RBM19: variants seen among roughly 807,000 people sequenced by gnomAD.
The protein encoded by RBM19 is probable RNA-binding protein 19.
A neutral mutation model predicts 116.8 loss-of-function variants in RBM19; 94 were observed. That is an observed-to-expected ratio of 0.80 (90% CI 0.68 to 0.95). The LOEUF is 0.95. Ranked by LOEUF, RBM19 falls within the 40% of genes least tolerant of loss-of-function variation. RBM19 has a pLI of 0.00. For missense variants in RBM19, 1,161 were observed against 1,220.7 expected (o/e 0.95, Z 0.73); for synonymous variants, 475 against 494.1 (o/e 0.96, Z 0.51).
chr12:113,959,086 C>A, intron 5 of RBM19, 126 bp downstream of exon 5: 1 of 952,902 alleles, frequency 1.0e-6, no homozygotes, highest in Non-Finnish European at 1.6e-6. Context: ...GGGATCATCA[C>A]CCCCAATGGA....
In RBM19 at chr12:113,849,484, G is replaced by A. The variant is rs184465023; in HGVS notation, c.2665-4696C>T. The stretch of plus-strand genomic sequence containing the variant: ...TAGACTACAAACGCAACGGGGATAG[G>A]AGTATGTCCCGTTCTGAGAGAGCAG... On this transcript the variant is annotated intron_variant, in intron 22 of 23. Transcript: ENST00000261741. Among the ~76,000 whole-genome samples, 344 of 152,354 alleles carry A rather than the reference G, an allele frequency of 2.3e-3. 1 individual carries two copies. The highest frequency in any genetic ancestry group is 7.7e-3 in the African/African-American group (319 of 41,596).
chr12:113,821,052 C>T (rs1386448331), downstream of RBM19, among the ~76,000 whole-genome samples: 1 of 152,192 alleles, frequency 6.6e-6, no homozygotes, highest in African/African-American at 2.4e-5. Context: ...ATGCTACTTG[C>T]ATCACTCCAT....
chr12:113,944,216 G>A (rs1870832046), intron 13 of RBM19, among the ~76,000 whole-genome samples: 1 of 147,644 alleles, frequency 6.8e-6, no homozygotes, highest in Admixed American at 6.9e-5. Flanking sequence ...TCCTGCCTCA[G>A]CCTCCCAAAT....
chr12:113,946,920 G>A (rs886868562), intron 11 of RBM19, among the ~76,000 whole-genome samples: 1 of 152,244 alleles, frequency 6.6e-6, no homozygotes, highest in African/African-American at 2.4e-5. Flanking sequence ...GAGGATGTAT[G>A]CTAAGTATAT....
At chr12:113,819,878 C>T (rs1874301762), downstream of RBM19, among the ~76,000 whole-genome samples, 1 of 152,228 alleles carries the variant, frequency 6.6e-6, no homozygotes, top group African/African-American at 2.4e-5. Flanking sequence ...TACTTTACTG[C>T]ATTCTAGAAC....
At chr12:113,862,723 C>G (rs2135748805) in intron 21 of RBM19, among the ~76,000 whole-genome samples, 1 of 152,292 alleles carries the variant, frequency 6.6e-6, no homozygotes, top group East Asian at 1.9e-4. Flanking sequence ...GAGCCCAACT[C>G]TGCCGCTCGG....
rs1213655879 is a variant in RBM19, at chr12:113,955,173, G to A, written c.879C>T (p.Cys293=). 5.6e-6 allele frequency: 9 copies of A among 1,614,020 alleles called. No individual in the cohort carries two copies. The highest frequency in any genetic ancestry group is 7.6e-6 in the Non-Finnish European group (9 of 1,180,032). The change falls in exon 7 of 24, where the codon TGC becomes TGT. Residue 293 remains cysteine, a synonymous_variant. Transcript: ENST00000261741. The part of the protein sequence containing the change: ...KPANQKEPTT[C]HTVKLRGAPF... ...GGGCTCCCCGCAGCTTCACGGTGTG[G>A]CAGGTGGTGGGTTCCTTCTGGTTTG...
At chr12:113,837,429 C>T (rs905876490) in intron 23 of RBM19, among the ~76,000 whole-genome samples, 3 of 152,176 alleles carry the variant, frequency 2.0e-5, no homozygotes, top group Non-Finnish European at 4.4e-5. Flanking sequence ...GTGAGTGCCC[C>T]GAAGGACCAT....
chr12:113,947,555 A>C, intron 10 of RBM19, 91 bp from the exon 11 acceptor site: 32 of 1,406,522 alleles, frequency 2.3e-5, no homozygotes, highest in African/African-American at 2.8e-5. Context: ...AGCCAACCTC[A>C]CAGGTCATGG....
At chr12:113,951,786 C>T (rs1871491526) in intron 8 of RBM19, among the ~76,000 whole-genome samples, 2 of 152,206 alleles carry the variant, frequency 1.3e-5, no homozygotes, top group African/African-American at 4.8e-5. Context: ...CCCTCAAGCA[C>T]ACTTTCTTCC....
intron 21 of RBM19, among the ~76,000 whole-genome samples, chr12:113,870,363 G>A (rs577800609): frequency 6.6e-6 from 1 of 152,238 alleles, no homozygotes; most frequent in South Asian, 2.1e-4. Context: ...ACACTGAAAG[G>A]GCCCTATCAA....
At position 113,823,123 on chromosome 12, in the gene RBM19, TCCCCG is replaced by T; in HGVS notation, c.*96_*100del. 3.6e-6 allele frequency: 4 copies of T among 1,124,288 alleles called. No homozygotes were observed. The highest frequency in any genetic ancestry group is 5.1e-6 in the Non-Finnish European group (4 of 786,460). The allele number at this position is 1,124,288 out of a possible 1,614,324, so 69.6% of individuals were successfully genotyped here. ...AGTGCAGGGTGGGGCCGCCTGCCGC[TCCCCG>T]CCCCGCCCCCCAGCCCACATGGTGG... On this transcript the variant is annotated 3_prime_UTR_variant, in exon 24 of 24. Coordinates refer to ENST00000261741, the MANE Select transcript of RBM19 (RefSeq NM_016196.4).
At chr12:113,830,354 C>A (rs563205119) in intron 23 of RBM19, among the ~76,000 whole-genome samples, 1 of 152,106 alleles carries the variant, frequency 6.6e-6, no homozygotes, top group Non-Finnish European at 1.5e-5. Flanking sequence ...GATATGATGA[C>A]TGCTATGATG....
Position 113,955,275 on chromosome 12 carries a change from G to A in RBM19, c.841-64C>T. 5 of 1,487,770 alleles carry A rather than the reference G, an allele frequency of 3.4e-6. No individual in the cohort carries two copies. In the South Asian group the frequency reaches 5.7e-5, roughly 17 times the overall value. The allele number at this position is 1,487,770 out of a possible 1,614,324, so 92.2% of individuals were successfully genotyped here. The stretch of plus-strand genomic sequence containing the variant: ...ACCCTTCGTACAGCTGCAGGAGGTG[G>A]CACACTGGGACATTTCAGTGCCAGA... On this transcript the variant is annotated intron_variant, in intron 6 of 23. Coordinates refer to ENST00000261741, the MANE Select transcript of RBM19 (RefSeq NM_016196.4).
chr12:113,959,694 C>T (rs142048402), intron 4 of RBM19, among the ~76,000 whole-genome samples, 171 bp downstream of exon 4: 44 of 152,062 alleles, frequency 2.9e-4, no homozygotes, highest in Middle Eastern at 3.4e-3. Context: ...CAGCCTCTTC[C>T]CTCTCCCAGT....
At chr12:113,920,292 A>G (rs562171429) in intron 19 of RBM19, among the ~76,000 whole-genome samples, 1 of 152,264 alleles carries the variant, frequency 6.6e-6, no homozygotes, top group Admixed American at 6.5e-5. Flanking sequence ...GTTTATTCAG[A>G]GGTCCATGGC....
chr12:113,891,949 CTG>C (rs1880991167), intron 21 of RBM19, among the ~76,000 whole-genome samples: 1 of 152,176 alleles, frequency 6.6e-6, no homozygotes, highest in African/African-American at 2.4e-5. Flanking sequence ...CGGGTAAACA[CTG>C]AGATCATTCT....
intron 6 of RBM19, among the ~76,000 whole-genome samples, chr12:113,957,557 A>C (rs1268205199): frequency 6.6e-6 from 1 of 152,072 alleles, no homozygotes; most frequent in Non-Finnish European, 1.5e-5. Flanking sequence ...ACAGAGTGAG[A>C]CTCTGTCTCA....
chr12:113,821,527 G>A (rs1036588002), downstream of RBM19, among the ~76,000 whole-genome samples: 2 of 152,172 alleles, frequency 1.3e-5, no homozygotes, highest in African/African-American at 4.8e-5. Context: ...GGTCACCTGA[G>A]GGTCGGCCTG....
Sources: gnomAD v4.1 joint callset for allele counts (sites outside exome capture counted in the v4.1 genomes callset) on GRCh38, gnomAD v4.1.1 for gene constraint, MANE v1.5 for transcripts, NCBI Gene and HGNC (gene_info 2026-07-23, HGNC 2026-07-21) for gene names.